Variants in CLASRP observed in about 807,000 individuals in gnomAD.
CLASRP encodes CLK4-associating serine/arginine rich protein.
In CLASRP, 52 loss-of-function variants were observed where a neutral mutation model predicts 99.9. The ratio of observed to expected loss-of-function variants is 0.52; its 90% CI spans 0.42 to 0.66. The LOEUF (loss-of-function observed/expected upper bound fraction) is 0.66. Among genes scored for constraint, CLASRP ranks in the 30% least tolerant of loss-of-function variants. The pLI is 0.00. For synonymous variants in CLASRP, 379 were observed against 373.0 expected (o/e 1.02, Z -0.18); for missense variants, 848 against 999.2 (o/e 0.85, Z 2.04).
chr19:45,043,814 C>G (rs1157745656), intron 2 of CLASRP, among the ~76,000 whole-genome samples: 1 of 152,100 alleles, frequency 6.6e-6, no homozygotes, highest in Non-Finnish European at 1.5e-5. Flanking sequence ...AAGGCAAGGC[C>G]TGGGTCTCTG....
At chr19:45,048,801 C>T (rs967452809) in intron 2 of CLASRP, among the ~76,000 whole-genome samples, 3 of 152,146 alleles carry the variant, frequency 2.0e-5, no homozygotes, top group Non-Finnish European at 4.4e-5. Flanking sequence ...GCCTGGCCAA[C>T]ATGGTGAAGC....
intron 13 of CLASRP, among the ~76,000 whole-genome samples, chr19:45,066,691 G>A (rs1436603364): frequency 1.3e-5 from 2 of 150,724 alleles, no homozygotes; most frequent in Admixed American, 6.6e-5. Flanking sequence ...TTGGCTTCCA[G>A]GTCATATATT....
chr19:45,039,823 T>A, intron 1 of CLASRP: 1 of 172,076 alleles, frequency 5.8e-6, no homozygotes, highest in Non-Finnish European at 1.3e-5. Flanking sequence ...GTTCTTCTCT[T>A]TCTCTTGAGC....
At chr19:45,048,040 A>G (rs1971953787) in intron 2 of CLASRP, among the ~76,000 whole-genome samples, 2 of 151,768 alleles carry the variant, frequency 1.3e-5, no homozygotes, top group African/African-American at 4.8e-5. Flanking sequence ...ATGCCATTGC[A>G]CTCCAGCCTG....
At chr19:45,062,987 C>T (rs528428639) in intron 11 of CLASRP, among the ~76,000 whole-genome samples, 13 of 152,104 alleles carry the variant, frequency 8.5e-5, no homozygotes, top group African/African-American at 2.4e-4. Flanking sequence ...GTTCCCTCTT[C>T]GGAATGGGGG....
At position 45,064,407 on chromosome 19, in the gene CLASRP, T is replaced by A. The variant is rs1452340545; in HGVS notation, c.1186T>A (p.Ser396Thr). The part of the protein sequence containing the change: ...ASRTSSSRSS[S>T]RSSSRSRRGG... The stretch of plus-strand genomic sequence containing the variant: ...GAGGACCTCCAGCTCCCGCTCCAGC[T>A]CTCGCTCCAGCTCCCGCTCTCGCCG... The change falls in exon 13 of 21, where the codon TCT becomes ACT. Residue 396 changes from serine to threonine, a missense_variant. Physicochemically the swap from Ser to Thr is moderately conservative, Grantham distance 58. This residue lies in a region of CLASRP where 489 missense variants were observed against 434.7 expected (regional missense o/e 1.12). Transcript: ENST00000221455. 1.1e-5 allele frequency: 17 copies of A among 1,529,684 alleles called. No homozygotes were observed. The highest frequency in any genetic ancestry group is 1.3e-5 in the Non-Finnish European group (15 of 1,140,874). The allele number at this position is 1,529,684 out of a possible 1,614,324, so 94.8% of individuals were successfully genotyped here.
At position 45,058,379 on chromosome 19, in the gene CLASRP, T is replaced by TA. The variant is rs538991109; in HGVS notation, c.613+481_613+482insA. ...GGTTCTTACTCCAGCAACTGGCTCT[T>TA]TTTATTTATTTATTTATTTATTTTT... On this transcript the variant is annotated intron_variant, in intron 7 of 20. Coordinates refer to ENST00000221455, the MANE Select transcript of CLASRP (RefSeq NM_007056.3). 5.5e-4 allele frequency: 86 copies of TA among 156,204 alleles called. No homozygotes were observed. In the South Asian group the frequency reaches 0.016, roughly 29 times the overall value. 9.7% of individuals were successfully genotyped at this position (156,204 alleles called of 1,614,324 possible).
At chr19:45,051,226 A>G (rs1479329607) in intron 2 of CLASRP, among the ~76,000 whole-genome samples, 1 of 152,088 alleles carries the variant, frequency 6.6e-6, no homozygotes, top group Non-Finnish European at 1.5e-5. Flanking sequence ...AAGGGGGCTG[A>G]TATTTTAGAG....
intron 2 of CLASRP, 115 bp from the exon 3 acceptor site, chr19:45,051,956 A>T: frequency 1.3e-6 from 1 of 743,606 alleles, no homozygotes; most frequent in Non-Finnish European, 2.3e-6. Context: ...CGACAGAGTG[A>T]GGCTCCATCT....
At chr19:45,059,183 A>G (rs1018321510) in intron 7 of CLASRP, 85 bp from the exon 8 acceptor site, 9 of 1,193,510 alleles carry the variant, frequency 7.5e-6, no homozygotes, top group African/African-American at 1.5e-5. Context: ...CGGGCGCCCC[A>G]TCATCCCCGC....
At chr19:45,062,846 T>C (rs909891847) in intron 11 of CLASRP, among the ~76,000 whole-genome samples, 3 of 152,184 alleles carry the variant, frequency 2.0e-5, no homozygotes, top group Non-Finnish European at 4.4e-5. Flanking sequence ...TAACGGGCAC[T>C]CAGTAGCACC....
chr19:45,049,843 G>A (rs1971988214), intron 2 of CLASRP, among the ~76,000 whole-genome samples: 1 of 152,156 alleles, frequency 6.6e-6, no homozygotes, highest in Non-Finnish European at 1.5e-5. Flanking sequence ...TGGGAGAAAG[G>A]TGATGAATGA....
In CLASRP at chr19:45,067,560, G is replaced by T. The variant is rs551256397; in HGVS notation, c.1633G>T (p.Ala545Ser). The T allele has an allele frequency of 2.5e-6, 4 of 1,604,664 alleles. No individual in the cohort carries two copies. Among genetic ancestry groups the T allele is most frequent in the Non-Finnish European group, 3.4e-6 (4 of 1,178,278 alleles). ...CGCAAGAGAGAAGCTGACCAGGCCG[G>T]CCGCGTCCCCTGCTGTGGGCGAGAA... is the stretch of plus-strand genomic sequence containing the variant. ...SPAREKLTRP[A>S]ASPAVGEKLK... The change falls in exon 14 of 21, where the codon GCC (alanine) becomes TCC (serine). Residue 545 changes from alanine (A) to serine (S), a missense_variant. Ala to Ser is a moderately conservative substitution (Grantham distance 99, BLOSUM62 1). This residue lies in a region of CLASRP where 489 missense variants were observed against 434.7 expected (regional missense o/e 1.12). Transcript: ENST00000221455. The surrounding 1 kb of genome is among the most constrained non-coding windows in gnomAD (Gnocchi z 4.9).
chr19:45,053,512 C>T (rs1465092932), intron 5 of CLASRP, among the ~76,000 whole-genome samples: 1 of 152,014 alleles, frequency 6.6e-6, no homozygotes, highest in African/African-American at 2.4e-5. Context: ...GAGTTTCGTT[C>T]TTGTTGCCCA....
At chr19:45,040,823 G>A (rs1971798597) in intron 2 of CLASRP, 1 of 155,814 alleles carries the variant, frequency 6.4e-6, no homozygotes, top group African/African-American at 2.4e-5. Context: ...AATTAGCCAG[G>A]CTTAGTGGTG....
At chr19:45,048,805 G>A (rs1600097574) in intron 2 of CLASRP, among the ~76,000 whole-genome samples, 1 of 152,074 alleles carries the variant, frequency 6.6e-6, no homozygotes, top group Non-Finnish European at 1.5e-5. Flanking sequence ...GGCCAACATG[G>A]TGAAGCCCTG....
chr19:45,067,817 T>C lies in CLASRP; in HGVS notation c.1668-198T>C, dbSNP rs1967128096. 6.6e-6 allele frequency among the ~76,000 whole-genome samples: 1 copy of C among 152,028 alleles called. No individual in the cohort carries two copies. The highest frequency in any genetic ancestry group is 2.4e-5 in the African/African-American group (1 of 41,380). ...GAGGATCTGCACAATTAGAACCTTGTCCTGGGTGAGGGTCAGAGGGGGACA... is the reference window on the plus strand; with the variant it reads ...GAGGATCTGCACAATTAGAACCTTGCCCTGGGTGAGGGTCAGAGGGGGACA... On this transcript the variant is annotated intron_variant, in intron 14 of 20. Coordinates refer to ENST00000221455, the MANE Select transcript of CLASRP (RefSeq NM_007056.3). This position sits in a 1 kb window ranked among gnomAD's most constrained non-coding sequence, Gnocchi z 4.9.
intron 8 of CLASRP, among the ~76,000 whole-genome samples, chr19:45,059,857 C>T (rs1455032276): frequency 6.6e-6 from 1 of 152,172 alleles, no homozygotes; most frequent in Non-Finnish European, 1.5e-5. Context: ...CATCCAGTGT[C>T]CTCACCATGG....
rs553509118 is a variant in CLASRP at position 45,057,818 on chromosome 19, C to T, written c.533C>T (p.Ala178Val). Residue 178 changes from alanine (A) to valine (V), a missense_variant, in exon 7 of 21, where the codon GCG becomes GTG. This residue lies in a region of CLASRP where 119 missense variants were observed against 170.2 expected (regional missense o/e 0.70). Transcript: ENST00000221455. Reference sequence around the variant, plus strand: ...AGCACGGTGGCCGAGGTAGAGAAGGCGGCAGAAAAGCCAGAGGAGGAGGAG... The same window carrying T: ...AGCACGGTGGCCGAGGTAGAGAAGGTGGCAGAAAAGCCAGAGGAGGAGGAG... ...EDSTVAEVEK[A>V]AEKPEEEESA... 1.2e-4 allele frequency: 196 copies of T among 1,614,020 alleles called. 3 individuals are homozygous for T. The South Asian group carries it at 1.8e-3, about 15-fold the overall frequency.
Sources: allele counts gnomAD v4.1 joint callset (sites outside exome capture counted in the v4.1 genomes callset), GRCh38; gene constraint gnomAD v4.1.1; regional missense constraint gnomAD v4.1.1; non-coding constraint Gnocchi (gnomAD v3.1); transcripts MANE v1.5; gene names NCBI Gene and HGNC (gene_info 2026-07-23, HGNC 2026-07-21).